Variants in NHSL1 observed in about 807,000 individuals in gnomAD.
The protein encoded by NHSL1 is NHS-like protein 1.
Under a neutral mutation model 95.0 loss-of-function variants are expected in NHSL1, and 48 were observed. The observed-to-expected ratio is 0.51, with a 90% CI of 0.40 to 0.64. NHSL1 has a LOEUF of 0.64. Ranked by LOEUF, NHSL1 falls within the 30% of genes least tolerant of loss-of-function variation. The probability of loss-of-function intolerance (pLI) is 0.00; values close to 1 mark genes in which losing one functional copy is unlikely to be tolerated. For missense variants in NHSL1, 1,971 were observed against 2,077.7 expected (o/e 0.95, Z 1.00); for synonymous variants, 783 against 833.9 (o/e 0.94, Z 1.05).
At chr6:138,609,234 A>T (rs1187021205) in intron 1 of NHSL1, among the ~76,000 whole-genome samples, 1 of 151,480 alleles carries the variant, frequency 6.6e-6, no homozygotes, top group Non-Finnish European at 1.5e-5. Context: ...CAAAGCTCAT[A>T]GAAATGGTGC....
intron 1 of NHSL1, among the ~76,000 whole-genome samples, chr6:138,677,927 G>A (rs902954776): frequency 6.6e-6 from 1 of 152,186 alleles, no homozygotes; most frequent in Admixed American, 6.5e-5. Flanking sequence ...GAGAACCACT[G>A]ATGTAAGTTA....
At chr6:138,644,008 A>C (rs997810462) in intron 1 of NHSL1, among the ~76,000 whole-genome samples, 5 of 152,000 alleles carry the variant, frequency 3.3e-5, no homozygotes, top group African/African-American at 4.8e-5. Context: ...GATTAAAAAA[A>C]AAAAAAAAAG....
intron 1 of NHSL1, among the ~76,000 whole-genome samples, chr6:138,628,502 C>T (rs143342865): frequency 0.012 from 1,879 of 152,266 alleles, 15 homozygotes; most frequent in Non-Finnish European, 0.017. Context: ...CTTTGTAATA[C>T]TGCATCCTAC....
chr6:138,657,563 C>T (rs890805170), intron 1 of NHSL1, among the ~76,000 whole-genome samples: 5 of 152,002 alleles, frequency 3.3e-5, no homozygotes, highest in Admixed American at 2.0e-4. Context: ...CCTGTAATCC[C>T]AGCACTTTGG....
intron 2 of NHSL1, among the ~76,000 whole-genome samples, chr6:138,482,941 TTATAAAAATACTGCTGAGTCC>T (rs1779515023): frequency 6.6e-6 from 1 of 152,198 alleles, no homozygotes; most frequent in Non-Finnish European, 1.5e-5. Context: ...GGAGGGCTTG[TTATAAAAATACTGCTGAGTCC>T]ACTCCCATAT....
At chr6:138,682,726 T>C (rs1330395361) in intron 1 of NHSL1, among the ~76,000 whole-genome samples, 2 of 152,160 alleles carry the variant, frequency 1.3e-5, no homozygotes, top group Non-Finnish European at 2.9e-5. Flanking sequence ...ATTCGCCTCA[T>C]TGGAATCACC....
rs948904464 is a variant in NHSL1, at chr6:138,601,727, G to A, written c.96+90749C>T. Among the ~76,000 whole-genome samples the A allele has an allele frequency of 6.6e-5, 10 of 152,126 alleles. No homozygotes were observed. In the South Asian group the frequency reaches 8.3e-4, roughly 13 times the overall value. ...CTCGGGAGGCTGAGGCAGAAGAATC[G>A]CTTGAACCCGGGAGGTGGAGGTTGC... On this transcript the variant is annotated intron_variant, in intron 1 of 3. Coordinates refer to the NHSL1 transcript ENST00000491526.
Position 138,430,806 on chromosome 6 carries a change from G to A in NHSL1, c.3539C>T (p.Thr1180Ile), listed in dbSNP as rs1453061897. The change falls in exon 6 of 8, where the codon ACC (threonine) becomes ATC (isoleucine). Residue 1180 changes from threonine (T) to isoleucine (I), a missense_variant. Thr to Ile is a moderately conservative substitution (Grantham distance 89). Transcript: ENST00000343505. The surrounding 1 kb of genome is among the most constrained non-coding windows in gnomAD (Gnocchi z 4.7). The stretch of plus-strand genomic sequence containing the variant: ...GGGTGAAGAGTCTGGGAGTGGGGTG[G>A]TGCTGGGGCTGGGCCGAGCCTCTGC... ...GEAEARPSPSTTPLPDSSPSR... is the reference protein window; with the variant it reads ...GEAEARPSPSITPLPDSSPSR... 5.8e-6 allele frequency: 9 copies of A among 1,551,158 alleles called. No individual in the cohort carries two copies. The Admixed American group carries it at 9.8e-5, about 17-fold the overall frequency.
intron 1 of NHSL1, among the ~76,000 whole-genome samples, chr6:138,615,968 T>G (rs1031465007): frequency 2.6e-5 from 4 of 152,228 alleles, no homozygotes; most frequent in African/African-American, 9.6e-5. Context: ...GGCAGAAGGA[T>G]CGCTTGAGCC....
chr6:138,625,206 G>T (rs1303206096), intron 1 of NHSL1, among the ~76,000 whole-genome samples: 3 of 152,054 alleles, frequency 2.0e-5, no homozygotes, highest in Non-Finnish European at 4.4e-5. Context: ...TGCAGTGTGT[G>T]ATCTCAGCTC....
intron 2 of NHSL1, among the ~76,000 whole-genome samples, chr6:138,479,584 T>C (rs993021919): frequency 6.6e-6 from 1 of 152,192 alleles, no homozygotes; most frequent in African/African-American, 2.4e-5. Flanking sequence ...CTGCTCAGAA[T>C]GGCAAAAACT....
intron 3 of NHSL1, among the ~76,000 whole-genome samples, chr6:138,456,912 C>A (rs528967669): frequency 6.6e-6 from 1 of 151,212 alleles, no homozygotes; most frequent in South Asian, 2.1e-4. Flanking sequence ...TGGAGTCTCA[C>A]TTACTCTGCC....
intron 1 of NHSL1, among the ~76,000 whole-genome samples, chr6:138,600,010 G>A (rs1784351531): frequency 6.6e-6 from 1 of 152,044 alleles, no homozygotes; most frequent in Admixed American, 6.6e-5. Flanking sequence ...TGGGCATGTT[G>A]GCATGCATCT....
At chr6:138,611,474 C>T (rs562977868) in intron 1 of NHSL1, among the ~76,000 whole-genome samples, 3 of 152,278 alleles carry the variant, frequency 2.0e-5, no homozygotes, top group South Asian at 2.1e-4. Context: ...CATGCCACCA[C>T]GGTGGCTCAC....
chr6:138,437,439 C>CAA (rs1562270875), intron 5 of NHSL1, among the ~76,000 whole-genome samples: 5 of 33,792 alleles, frequency 1.5e-4, no homozygotes, highest in Middle Eastern at 8.8e-3. Flanking sequence ...CACACACACA[C>CAA]ACACACAAAA....
intron 1 of NHSL1, chr6:138,650,859 T>C: frequency 1.8e-6 from 1 of 541,656 alleles, no homozygotes. Context: ...AAGAGGGCGT[T>C]GGACATCAGC....
intron 1 of NHSL1, among the ~76,000 whole-genome samples, chr6:138,497,296 T>C (rs369262027): frequency 6.6e-6 from 1 of 152,176 alleles, no homozygotes; most frequent in Admixed American, 6.5e-5. Flanking sequence ...ATACCTGCCA[T>C]GTAACCCAGG....
intron 1 of NHSL1, among the ~76,000 whole-genome samples, chr6:138,535,945 A>G (rs1782322601): frequency 6.6e-6 from 1 of 152,196 alleles, no homozygotes; most frequent in East Asian, 1.9e-4. Context: ...ATCTAATTTT[A>G]GACATGACAC....
At chr6:138,683,403 G>T (rs1450955852) in intron 1 of NHSL1, among the ~76,000 whole-genome samples, 2 of 152,210 alleles carry the variant, frequency 1.3e-5, no homozygotes, top group African/African-American at 4.8e-5. Context: ...TGCTAACTCA[G>T]CCTTCAATGT....
Sources: gnomAD v4.1 joint callset for allele counts (sites outside exome capture counted in the v4.1 genomes callset) on GRCh38, gnomAD v4.1.1 for gene constraint, Gnocchi (gnomAD v3.1) non-coding constraint, MANE v1.5 for transcripts, NCBI Gene and HGNC (gene_info 2026-07-23, HGNC 2026-07-21) for gene names.